The following SENP6 variants were observed in gnomAD, a reference collection of about 807,000 sequenced individuals.
SENP6 encodes SUMO specific peptidase 6.
A neutral mutation model predicts 134.5 loss-of-function variants in SENP6; 41 were observed. The ratio of observed to expected loss-of-function variants is 0.30; its 90% CI spans 0.24 to 0.40. The LOEUF is 0.40. SENP6 is among the 10% of genes least tolerant of loss of function. The pLI is 1.00. For synonymous variants in SENP6, 395 were observed against 429.8 expected, an observed-to-expected ratio of 0.92 and a Z score of 1.00; for missense variants, 1,248 against 1,312.5, an observed-to-expected ratio of 0.95 and a Z score of 0.76.
chr6:75,700,733 A>G (rs1224431595), intron 18 of SENP6, among the ~76,000 whole-genome samples: 1 of 152,156 alleles, frequency 6.6e-6, no homozygotes, highest in African/African-American at 2.4e-5. Context: ...CTCAAGCGAT[A>G]TGCCTGCCTC....
intron 5 of SENP6, chr6:75,635,182 T>C (rs997701549): frequency 3.5e-5 from 9 of 259,362 alleles, no homozygotes; most frequent in Non-Finnish European, 6.2e-5. Flanking sequence ...ATAAGGCTTA[T>C]AAGAGTTCAT....
intron 7 of SENP6, chr6:75,655,277 G>T (rs867947695): frequency 6.6e-6 from 1 of 152,254 alleles, no homozygotes. Context: ...GACAGATGTC[G>T]CAGCCAGATC....
intron 1 of SENP6, among the ~76,000 whole-genome samples, chr6:75,609,367 A>G (rs1302645103): frequency 1.3e-5 from 2 of 152,226 alleles, no homozygotes; most frequent in Non-Finnish European, 2.9e-5. Flanking sequence ...GCAAAAATGG[A>G]AAGCCACAAA....
intron 23 of SENP6, among the ~76,000 whole-genome samples, chr6:75,714,376 A>G (rs550860624): frequency 3.9e-5 from 6 of 152,238 alleles, no homozygotes; most frequent in East Asian, 1.9e-4. Context: ...CTTGGCTCCT[A>G]TCTTCATCCA....
chr6:75,704,904 T>C (rs1775288356), intron 19 of SENP6, among the ~76,000 whole-genome samples: 1 of 152,210 alleles, frequency 6.6e-6, no homozygotes, highest in South Asian at 2.1e-4. Context: ...CCCTTAAACC[T>C]TGATTCCATA....
intron 1 of SENP6, among the ~76,000 whole-genome samples, chr6:75,607,112 C>T (rs1470531965): frequency 6.6e-6 from 1 of 152,008 alleles, no homozygotes; most frequent in Non-Finnish European, 1.5e-5. Flanking sequence ...TTTTGGGAGG[C>T]CAAGTTGAGA....
chr6:75,634,600 G>T, intron 4 of SENP6, 107 bp from the exon 5 acceptor site: 1 of 565,988 alleles, frequency 1.8e-6, no homozygotes. Flanking sequence ...TTTTGTTGTT[G>T]TTGGTAAAGG....
chr6:75,614,095 C>A (rs1305078034), intron 1 of SENP6, among the ~76,000 whole-genome samples: 1 of 152,084 alleles, frequency 6.6e-6, no homozygotes, highest in Non-Finnish European at 1.5e-5. Flanking sequence ...TCAGGTTATG[C>A]ATTTTTTAAA....
chr6:75,642,077 A>G (rs985410171), intron 6 of SENP6, among the ~76,000 whole-genome samples: 1 of 152,232 alleles, frequency 6.6e-6, no homozygotes, highest in African/African-American at 2.4e-5. Context: ...TGACATGGAC[A>G]GCAATGTTTC....
chr6:75,697,392 T>C, intron 17 of SENP6, 33 bp from the exon 18 acceptor site: 1 of 1,460,298 alleles, frequency 6.8e-7, no homozygotes, highest in Non-Finnish European at 9.5e-7. Flanking sequence ...CTAGAAATAT[T>C]TCAGAAGCTT....
chr6:75,677,889 T>G (rs1007090507), intron 14 of SENP6: 4 of 152,350 alleles, frequency 2.6e-5, no homozygotes, highest in African/African-American at 9.6e-5. Flanking sequence ...CCTAATTTAT[T>G]GGGAACAGAT....
chr6:75,648,487 C>T (rs372524294), intron 7 of SENP6, among the ~76,000 whole-genome samples: 1 of 152,006 alleles, frequency 6.6e-6, no homozygotes, highest in South Asian at 2.1e-4. Context: ...TTTCTGATAG[C>T]TTAGAATGTG....
chr6:75,659,338 A>G lies in SENP6; in HGVS notation c.627A>G (p.Arg209=), dbSNP rs507662. 0.97 allele frequency: 1,556,960 copies of G among 1,610,968 alleles called. 754,019 individuals carry two copies. The highest frequency in any genetic ancestry group is 0.99 in the South Asian group (90,086 of 90,980). ...TTAAGAGGAAAGTACAACAGAAACG[A>G]CACTGTAGTACCTATCAGCCTACTC... The part of the protein sequence containing the change: ...PEIKRKVQQK[R]HCSTYQPTPP... The change falls in exon 8 of 24, where the codon CGA becomes CGG. Residue 209 remains arginine, a synonymous_variant. Coordinates refer to ENST00000447266, the MANE Select transcript of SENP6 (RefSeq NM_015571.4).
At position 75,702,957 on chromosome 6, in the gene SENP6, T is replaced by G; in HGVS notation, c.2601T>G (p.Thr867=). 6.2e-7 allele frequency: 1 copy of G among 1,613,992 alleles called. No homozygotes were observed. Among genetic ancestry groups the G allele is most frequent in the South Asian group, 1.1e-5 (1 of 91,080 alleles). Residue 867 remains threonine (T), a synonymous_variant, in exon 19 of 24, where the codon ACT becomes ACG. Transcript: ENST00000447266. The part of the protein sequence containing the change: ...VKYSVKKINH[T]ASENEEFNKG... ...ACAGTGTGAAAAAAATAAATCATAC[T>G]GCGAGTGAAAATGAAGAATTCAATA...
chr6:75,677,246 A>T lies in SENP6; in HGVS notation c.1838A>T (p.Lys613Ile). Residue 613 changes from lysine to isoleucine, a missense_variant, in exon 14 of 24, where the codon AAA (lysine) becomes ATA (isoleucine). By Grantham distance (102) the Lys-to-Ile change is moderately radical. This residue lies in a region of SENP6 where 733 missense variants were observed against 725.4 expected (regional missense o/e 1.01). Transcript: ENST00000447266. The part of the protein sequence containing the change: ...IKGSCGQKEN[K>I]IKTVSFESKI... ...GGAAGTTGTGGGCAAAAGGAAAACA[A>T]AATTAAAACTGTAATTATGTTTTTT... 3 of 1,571,594 alleles carry T rather than the reference A, an allele frequency of 1.9e-6. No homozygotes were observed. The highest frequency in any genetic ancestry group is 2.6e-6 in the Non-Finnish European group (3 of 1,157,908).
chr6:75,647,900 A>G (rs2149849546), intron 7 of SENP6, 99 bp downstream of exon 7: 1 of 863,730 alleles, frequency 1.2e-6, no homozygotes, highest in Non-Finnish European at 1.8e-6. Context: ...TCCCAGGTAT[A>G]ATAGATATAT....
At chr6:75,652,710 GA>G (rs895257089) in intron 7 of SENP6, among the ~76,000 whole-genome samples, 2 of 106,486 alleles carry the variant, frequency 1.9e-5, no homozygotes, top group Admixed American at 8.7e-5. Flanking sequence ...AAAAGAAAAA[GA>G]AAAAAAATGC....
intron 1 of SENP6, among the ~76,000 whole-genome samples, chr6:75,616,123 T>C (rs1352448187): frequency 6.6e-6 from 1 of 152,178 alleles, no homozygotes; most frequent in African/African-American, 2.4e-5. Context: ...GTGGAGGATA[T>C]GGAGAAAACT....
chr6:75,676,109 A>G, intron 13 of SENP6, 55 bp downstream of exon 13: 1 of 1,233,404 alleles, frequency 8.1e-7, no homozygotes, highest in Non-Finnish European at 1.1e-6. Flanking sequence ...TATTTACAAT[A>G]TCTGTTAAAT....
Sources: allele counts gnomAD v4.1 joint callset (sites outside exome capture counted in the v4.1 genomes callset), GRCh38; gene constraint gnomAD v4.1.1; regional missense constraint gnomAD v4.1.1; transcripts MANE v1.5; gene names NCBI Gene and HGNC (gene_info 2026-07-23, HGNC 2026-07-21).